PPP1R21: variants seen among roughly 807,000 people sequenced by gnomAD.
PPP1R21 encodes the protein protein phosphatase 1 regulatory subunit 21, also known as KLRAQ motif containing 1.
A neutral mutation model predicts 112.8 loss-of-function variants in PPP1R21; 85 were observed. The observed-to-expected ratio is 0.75, with a 90% CI of 0.63 to 0.90. The LOEUF (loss-of-function observed/expected upper bound fraction) is 0.90. Among genes scored for constraint, PPP1R21 ranks in the 40% least tolerant of loss-of-function variants. The pLI, the probability that PPP1R21 is intolerant of heterozygous loss-of-function variation, is 0.00. For synonymous variants in PPP1R21, 381 were observed against 322.3 expected (o/e 1.18, Z -1.95); for missense variants, 1,199 against 901.5 (o/e 1.33, Z -4.23).
rs1054692489 is a variant in PPP1R21, at chr2:48,440,854, A to C, written c.-100A>C. 1.3e-6 allele frequency: 1 copy of C among 786,992 alleles called. No homozygotes were observed. The highest frequency in any genetic ancestry group is 2.0e-6 in the Non-Finnish European group (1 of 491,190). The allele number at this position is 786,992 out of a possible 1,614,324, so 48.8% of individuals were successfully genotyped here. A position where few individuals can be genotyped will look rare whatever the true frequency, so the allele number is the denominator to read the frequency against. On this transcript the variant is annotated 5_prime_UTR_variant, in exon 1 of 22. Transcript: ENST00000294952. ...CGGCGGCTGCGGTGGCCAAGCAGGCAGATACTGCCTGACCCGTTCCCGGGA... is the reference window on the plus strand; with the variant it reads ...CGGCGGCTGCGGTGGCCAAGCAGGCCGATACTGCCTGACCCGTTCCCGGGA...
Position 48,440,929 on chromosome 2 carries a change from T to G in PPP1R21, c.-25T>G, listed in dbSNP as rs1572816730. ...GACAGGCTGAGCCGCCTGGGCGGCC[T>G]GGCCTGTACGGGGCGGGGGAGGCCA... On this transcript the variant is annotated 5_prime_UTR_variant, in exon 1 of 22. Transcript: ENST00000294952. The G allele has an allele frequency of 1.1e-6, 1 of 872,376 alleles. No homozygotes were observed. Among genetic ancestry groups the G allele is most frequent in the Non-Finnish European group, 1.7e-6 (1 of 593,832 alleles). The allele number at this position is 872,376 out of a possible 1,614,324, so 54.0% of individuals were successfully genotyped here. A position where few individuals can be genotyped will look rare whatever the true frequency, so the allele number is the denominator to read the frequency against.
chr2:48,507,752 T>C (rs1242973189), intron 19 of PPP1R21, among the ~76,000 whole-genome samples: 194 of 64,654 alleles, frequency 3.0e-3, no homozygotes, highest in Middle Eastern at 6.0e-3. Context: ...GCTCTGCCTT[T>C]TTTTTTTTTT....
At chr2:48,485,988 A>G (rs1023285200) in intron 13 of PPP1R21, among the ~76,000 whole-genome samples, 4 of 148,212 alleles carry the variant, frequency 2.7e-5, no homozygotes, top group Non-Finnish European at 5.9e-5. Flanking sequence ...ATTAATATAT[A>G]CAATTATATA....
At chr2:48,508,725 G>T (rs1670500849) in intron 19 of PPP1R21, among the ~76,000 whole-genome samples, 1 of 152,192 alleles carries the variant, frequency 6.6e-6, no homozygotes, top group Non-Finnish European at 1.5e-5. Context: ...GTTCATTGCT[G>T]AGCACAGAAT....
At chr2:48,510,869 AG>A (rs1487443009) in intron 20 of PPP1R21, among the ~76,000 whole-genome samples, 1 of 152,242 alleles carries the variant, frequency 6.6e-6, no homozygotes. Flanking sequence ...TGGCATAGAA[AG>A]AAACCCTTAA....
At chr2:48,480,388 C>G (rs988379907) in intron 13 of PPP1R21, among the ~76,000 whole-genome samples, 2 of 152,200 alleles carry the variant, frequency 1.3e-5, no homozygotes, top group African/African-American at 4.8e-5. Context: ...GAAACCAAGG[C>G]TTCAAGTCCC....
At chr2:48,445,973 C>T (rs1667227639) in intron 1 of PPP1R21, among the ~76,000 whole-genome samples, 2 of 152,182 alleles carry the variant, frequency 1.3e-5, no homozygotes, top group Admixed American at 6.5e-5. Flanking sequence ...CACATGACTT[C>T]AGTATTCTGA....
chr2:48,468,167 GAGAT>G (rs1668285973), intron 9 of PPP1R21, among the ~76,000 whole-genome samples: 1 of 152,142 alleles, frequency 6.6e-6, no homozygotes, highest in South Asian at 2.1e-4. Flanking sequence ...TTTAAAATGG[GAGAT>G]AGAATACCTA....
At chr2:48,454,291 T>G (rs1667613173) in intron 2 of PPP1R21, among the ~76,000 whole-genome samples, 2 of 151,422 alleles carry the variant, frequency 1.3e-5, no homozygotes, top group Admixed American at 6.6e-5. Flanking sequence ...AATAAATAAA[T>G]CAAATAAGTT....
At position 48,441,055 on chromosome 2, in the gene PPP1R21, C is replaced by T. The variant is rs780236820; in HGVS notation, c.57+45C>T. 9 of 1,422,366 alleles carry T rather than the reference C, an allele frequency of 6.3e-6. No individual in the cohort carries two copies. The East Asian group carries it at 1.8e-4, about 29-fold the overall frequency. 88.1% of individuals were successfully genotyped at this position (1,422,366 alleles called of 1,614,324 possible). ...AGTAGGGGGTCCCCCGCCCTGCGGC[C>T]TCAGGTTGCCGTGGCAGCGACTTGT... On this transcript the variant is annotated intron_variant, in intron 1 of 21. Transcript: ENST00000294952.
At chr2:48,463,476 A>G (rs1668068472) in intron 7 of PPP1R21, among the ~76,000 whole-genome samples, 2 of 152,128 alleles carry the variant, frequency 1.3e-5, no homozygotes, top group Admixed American at 1.3e-4. Context: ...GATTGCCAGC[A>G]CAGGGAGTTG....
In PPP1R21 at chr2:48,440,846, A is replaced by G. The variant is rs1666984700; in HGVS notation, c.-108A>G. The G allele has an allele frequency of 4.0e-6, 3 of 759,456 alleles. No homozygotes were observed. The highest frequency in any genetic ancestry group is 6.4e-6 in the Non-Finnish European group (3 of 467,302). 47.0% of individuals were successfully genotyped at this position (759,456 alleles called of 1,614,324 possible). On this transcript the variant is annotated 5_prime_UTR_variant, in exon 1 of 22. Transcript: ENST00000294952. ...GGCGGCGGCGGCGGCTGCGGTGGCC[A>G]AGCAGGCAGATACTGCCTGACCCGT...
chr2:48,488,628 A>G (rs1669420083), intron 14 of PPP1R21, among the ~76,000 whole-genome samples: 1 of 152,150 alleles, frequency 6.6e-6, no homozygotes, highest in Non-Finnish European at 1.5e-5. Flanking sequence ...AAATACTTGC[A>G]TACGTCATAG....
intron 12 of PPP1R21, chr2:48,479,348 C>T (rs1023843898): frequency 2.6e-6 from 1 of 379,870 alleles, no homozygotes; most frequent in South Asian, 2.0e-5. Flanking sequence ...GGTAGTGATT[C>T]TTGGTTTAAA....
intron 1 of PPP1R21, among the ~76,000 whole-genome samples, chr2:48,449,270 G>T (rs1307140740): frequency 6.6e-6 from 1 of 152,070 alleles, no homozygotes; most frequent in African/African-American, 2.4e-5. Context: ...TTTAGAAAGT[G>T]CTTTGACATA....
chr2:48,509,924 C>T, intron 19 of PPP1R21, 91 bp from the exon 20 acceptor site: 1 of 780,302 alleles, frequency 1.3e-6, no homozygotes, highest in South Asian at 2.0e-5. Context: ...GTAGCTTTGG[C>T]TTTGAGAAGT....
intron 21 of PPP1R21, among the ~76,000 whole-genome samples, chr2:48,514,480 C>A (rs1338798026): frequency 1.3e-5 from 2 of 151,968 alleles, no homozygotes; most frequent in Non-Finnish European, 2.9e-5. Context: ...TCTTTATTTC[C>A]TGTCCTCAGC....
At position 48,459,907 on chromosome 2, in the gene PPP1R21, GC is replaced by G; in HGVS notation, c.530del (p.Ala177ValfsTer3). On this transcript the variant is annotated frameshift_variant, in exon 5 of 22. Coordinates refer to ENST00000294952, the MANE Select transcript of PPP1R21 (RefSeq NM_001135629.3). LOFTEE classifies it high-confidence loss of function. ...CATTGAGAAGCTGCAGAACGACAAG[GC>G]TAAACTAGAAGTAAGCCCCATTGTG... ...ETIEKLQNDKAKLEVKSQTLE... is the reference protein window; with the variant it reads ...ETIEKLQNDKXKLEVKSQTLE... 6.2e-7 allele frequency: 1 copy of G among 1,613,694 alleles called. No homozygotes were observed. Among genetic ancestry groups the G allele is most frequent in the South Asian group, 1.1e-5 (1 of 91,000 alleles).
Position 48,480,163 on chromosome 2 carries a change from C to T in PPP1R21, c.1318+147C>T, listed in dbSNP as rs1668947793. The T allele has an allele frequency of 9.4e-6, 6 of 640,692 alleles. 1 individual carries two copies. In the Middle Eastern group the frequency reaches 1.0e-3, roughly 107 times the overall value. The allele number at this position is 640,692 out of a possible 1,614,324, so 39.7% of individuals were successfully genotyped here. ...TGGCTTATGTTGAGTGCACAGCTCA[C>T]TGCCTTCTGCTTTTCCCATCTGTTT... On this transcript the variant is annotated intron_variant, in intron 13 of 21. Coordinates refer to ENST00000294952, the MANE Select transcript of PPP1R21 (RefSeq NM_001135629.3).
Sources: gnomAD v4.1 joint callset for allele counts (sites outside exome capture counted in the v4.1 genomes callset) on GRCh38, gnomAD v4.1.1 for gene constraint, MANE v1.5 for transcripts, NCBI Gene and HGNC (gene_info 2026-07-23, HGNC 2026-07-21) for gene names.